Variants in LHFPL4 observed in about 807,000 individuals in gnomAD.
The protein encoded by LHFPL4 is LHFPL tetraspan subfamily member 4, also known as LHFPL tetraspan subfamily member 4 protein.
Under a neutral mutation model 20.0 loss-of-function variants are expected in LHFPL4, and 6 were observed. That is an observed-to-expected ratio of 0.30 (90% confidence interval 0.16 to 0.59). The LOEUF is 0.59. Ranked by LOEUF, LHFPL4 falls within the 20% of genes least tolerant of loss-of-function variation. The probability of loss-of-function intolerance (pLI) is 0.88; values close to 1 mark genes in which losing one functional copy is unlikely to be tolerated. For missense variants in LHFPL4, 215 were observed against 331.2 expected (o/e 0.65, Z 2.72); for synonymous variants, 129 against 143.8 (o/e 0.90, Z 0.74).
intron 1 of LHFPL4, among the ~76,000 whole-genome samples, chr3:9,553,334 A>C (rs1330866864): frequency 6.7e-6 from 1 of 149,644 alleles, no homozygotes; most frequent in Admixed American, 6.6e-5. Flanking sequence ...CTAAGAGGGC[A>C]AAGTGGCAGA....
chr3:9,522,803 A>C (rs1199225984), intron 2 of LHFPL4, among the ~76,000 whole-genome samples: 1 of 151,698 alleles, frequency 6.6e-6, no homozygotes, highest in Non-Finnish European at 1.5e-5. Context: ...GCACTTTGGG[A>C]GGACAAGGTG....
intron 2 of LHFPL4, among the ~76,000 whole-genome samples, chr3:9,515,305 T>A (rs1314874912): frequency 6.6e-6 from 1 of 152,174 alleles, no homozygotes; most frequent in Non-Finnish European, 1.5e-5. Flanking sequence ...TTCCTTGGGG[T>A]GTCTGCTAAG....
chr3:9,507,264 T>C (rs2046225336), intron 2 of LHFPL4, among the ~76,000 whole-genome samples: 1 of 152,238 alleles, frequency 6.6e-6, no homozygotes, highest in Non-Finnish European at 1.5e-5. Context: ...ACTTGGATTT[T>C]AGCTGCATGG....
intron 2 of LHFPL4, among the ~76,000 whole-genome samples, chr3:9,513,865 C>A (rs139737308): frequency 1.7e-3 from 266 of 152,254 alleles, no homozygotes; most frequent in African/African-American, 6.2e-3. Context: ...GGTAGGACAT[C>A]TCCATTGGTT....
chr3:9,510,798 C>G (rs542122183), intron 2 of LHFPL4, among the ~76,000 whole-genome samples: 1 of 151,600 alleles, frequency 6.6e-6, no homozygotes, highest in Non-Finnish European at 1.5e-5. Flanking sequence ...ATTAGCTGGG[C>G]TTGGTGGCAC....
chr3:9,503,120 C>A (rs2046190422), intron 3 of LHFPL4, among the ~76,000 whole-genome samples: 1 of 152,054 alleles, frequency 6.6e-6, no homozygotes, highest in African/African-American at 2.4e-5. Context: ...CAGGTGCGCG[C>A]CATGGCTTTT....
rs2046151973 is a variant in LHFPL4, at chr3:9,499,084, G to GTTAGGGGGGGAC, written c.*3115_*3126dup. 1 of 153,458 alleles carries GTTAGGGGGGGAC rather than the reference G, an allele frequency of 6.5e-6. No homozygotes were observed. Among genetic ancestry groups the GTTAGGGGGGGAC allele is most frequent in the Non-Finnish European group, 1.4e-5 (1 of 69,130 alleles). 9.5% of individuals were successfully genotyped at this position (153,458 alleles called of 1,614,324 possible). On this transcript the variant is annotated 3_prime_UTR_variant, in exon 4 of 4. Coordinates refer to ENST00000287585, the MANE Select transcript of LHFPL4 (RefSeq NM_198560.3). ...CCTGATCACAGTTAGGGGGGTCACA[G>GTTAGGGGGGGAC]TTAGGGGGGGACTTCTCTTGGGACC...
intron 3 of LHFPL4, among the ~76,000 whole-genome samples, chr3:9,504,346 C>T (rs1165503727): frequency 1.3e-5 from 2 of 151,204 alleles, no homozygotes; most frequent in Middle Eastern, 3.4e-3. Flanking sequence ...CCACTGCACT[C>T]CACCCTGGGC....
chr3:9,544,168 G>A (rs2125667179), intron 2 of LHFPL4, among the ~76,000 whole-genome samples: 1 of 152,186 alleles, frequency 6.6e-6, no homozygotes, highest in Non-Finnish European at 1.5e-5. Context: ...GAAACAGGTG[G>A]GGGAGAGGAT....
intron 2 of LHFPL4, among the ~76,000 whole-genome samples, chr3:9,522,226 C>T (rs2046342319): frequency 6.6e-6 from 1 of 151,606 alleles, no homozygotes; most frequent in South Asian, 2.1e-4. Flanking sequence ...GATCTCTTGA[C>T]CTCGTGATCT....
chr3:9,510,647 G>A (rs2046251768), intron 2 of LHFPL4, among the ~76,000 whole-genome samples: 1 of 151,858 alleles, frequency 6.6e-6, no homozygotes, highest in African/African-American at 2.4e-5. Flanking sequence ...GTTAAAAATA[G>A]TGTTGAGTGG....
chr3:9,535,065 GCTCTTT>G (rs1264486241), intron 2 of LHFPL4, among the ~76,000 whole-genome samples: 1 of 152,114 alleles, frequency 6.6e-6, no homozygotes, highest in African/African-American at 2.4e-5. Flanking sequence ...CAGGAATATA[GCTCTTT>G]CATACCACAG....
At chr3:9,507,182 C>T (rs187393782) in intron 2 of LHFPL4, among the ~76,000 whole-genome samples, 1 of 152,334 alleles carries the variant, frequency 6.6e-6, no homozygotes, top group Admixed American at 6.5e-5. Context: ...AGCACGGTGC[C>T]AGGCACTCAG....
At chr3:9,551,379 T>G (rs1399985181) in intron 2 of LHFPL4, among the ~76,000 whole-genome samples, 1 of 138,144 alleles carries the variant, frequency 7.2e-6, no homozygotes, top group African/African-American at 2.6e-5. Flanking sequence ...AGTCCAACTC[T>G]CTTCCCTGCC....
chr3:9,539,792 C>G (rs1305390069), intron 2 of LHFPL4, among the ~76,000 whole-genome samples: 2 of 151,758 alleles, frequency 1.3e-5, no homozygotes, highest in African/African-American at 2.4e-5. Flanking sequence ...CATTGATTTT[C>G]AAAATTTAAG....
intron 2 of LHFPL4, among the ~76,000 whole-genome samples, chr3:9,509,720 A>T (rs1049156623): frequency 2.0e-5 from 3 of 152,228 alleles, no homozygotes; most frequent in African/African-American, 7.2e-5. Context: ...CACTCCGGGA[A>T]TGGGAAATAT....
intron 2 of LHFPL4, among the ~76,000 whole-genome samples, chr3:9,508,041 G>A (rs2046230863): frequency 6.6e-6 from 1 of 152,218 alleles, no homozygotes; most frequent in South Asian, 2.1e-4. Flanking sequence ...CTTAGCCTGG[G>A]TTTTAGATGA....
At position 9,538,624 on chromosome 3, in the gene LHFPL4, G is replaced by A. The variant is rs1160178934; in HGVS notation, c.406+13650C>T. Reference sequence around the variant, plus strand: ...CCCATTTTATAGGTGAGTAAACCGAGACTCAGAAATCAGGTAATATTCCTG... The same window carrying A: ...CCCATTTTATAGGTGAGTAAACCGAAACTCAGAAATCAGGTAATATTCCTG... On this transcript the variant is annotated intron_variant, in intron 2 of 3. Coordinates refer to ENST00000287585, the MANE Select transcript of LHFPL4 (RefSeq NM_198560.3). 2.6e-5 allele frequency among the ~76,000 whole-genome samples: 4 copies of A among 151,972 alleles called. No individual in the cohort carries two copies. In the East Asian group the frequency reaches 7.7e-4, roughly 29 times the overall value.
chr3:9,541,083 G>A (rs1448955941), intron 2 of LHFPL4, among the ~76,000 whole-genome samples: 1 of 151,894 alleles, frequency 6.6e-6, no homozygotes, highest in Non-Finnish European at 1.5e-5. Flanking sequence ...TGGGATTACA[G>A]GTGTGTGCCA....
Sources: allele counts gnomAD v4.1 joint callset (sites outside exome capture counted in the v4.1 genomes callset), GRCh38; gene constraint gnomAD v4.1.1; transcripts MANE v1.5; gene names NCBI Gene and HGNC (gene_info 2026-07-23, HGNC 2026-07-21).